The following MANBA variants were observed in gnomAD, a reference collection of about 807,000 sequenced individuals.
MANBA encodes the protein mannosidase beta.
In MANBA, 83 loss-of-function variants were observed where a neutral mutation model predicts 111.1. The ratio of observed to expected loss-of-function variants is 0.75; its 90% CI spans 0.63 to 0.90. The LOEUF is 0.90. Among genes scored for constraint, MANBA ranks in the 40% least tolerant of loss-of-function variants. MANBA has a pLI of 0.00. For missense variants in MANBA, 1,036 were observed against 1,069.0 expected, an observed-to-expected ratio of 0.97 and a Z score of 0.43; for synonymous variants, 370 against 378.7, an observed-to-expected ratio of 0.98 and a Z score of 0.27.
intron 11 of MANBA, among the ~76,000 whole-genome samples, chr4:102,664,373 G>C (rs2110216277): frequency 6.6e-6 from 1 of 150,986 alleles, no homozygotes; most frequent in South Asian, 2.1e-4. Flanking sequence ...TTTTGAGACG[G>C]AGTCTCGCCC....
intron 5 of MANBA, among the ~76,000 whole-genome samples, chr4:102,708,038 A>T (rs1423789278): frequency 1.3e-5 from 2 of 152,166 alleles, no homozygotes; most frequent in East Asian, 3.8e-4. Context: ...CTAAAGACAG[A>T]TAGATTCCAA....
At chr4:102,674,519 A>G (rs1731636535) in intron 7 of MANBA, among the ~76,000 whole-genome samples, 1 of 152,248 alleles carries the variant, frequency 6.6e-6, no homozygotes, top group South Asian at 2.1e-4. Flanking sequence ...TGCAATCTTA[A>G]TAACACATTA....
intron 4 of MANBA, among the ~76,000 whole-genome samples, chr4:102,717,485 A>G (rs986946539): frequency 1.3e-5 from 2 of 151,298 alleles, no homozygotes; most frequent in Non-Finnish European, 2.9e-5. Flanking sequence ...TAGTGACACA[A>G]TCTTGGCTCA....
intron 7 of MANBA, among the ~76,000 whole-genome samples, chr4:102,688,572 G>A (rs779835721): frequency 3.9e-5 from 6 of 152,178 alleles, no homozygotes; most frequent in Non-Finnish European, 8.8e-5. Flanking sequence ...TGTAAACACC[G>A]AAGCTGGTGT....
intron 7 of MANBA, among the ~76,000 whole-genome samples, chr4:102,683,276 C>T (rs72940780): frequency 0.044 from 6,662 of 151,972 alleles, 478 homozygotes; most frequent in African/African-American, 0.15. Flanking sequence ...AACTATGAAA[C>T]ACAAGTTTTA....
At chr4:102,752,412 C>T (rs890457097) in intron 1 of MANBA, 160 of 992,932 alleles carry the variant, frequency 1.6e-4, no homozygotes, top group East Asian at 7.4e-4. Flanking sequence ...ATACAGGTTG[C>T]GTGACATTAG....
intron 1 of MANBA, among the ~76,000 whole-genome samples, chr4:102,726,923 A>G (rs115599707): frequency 6.6e-6 from 1 of 152,224 alleles, no homozygotes; most frequent in Non-Finnish European, 1.5e-5. Flanking sequence ...CTTCATTATC[A>G]AAGAAAATTG....
At chr4:102,703,638 C>A (rs1482345988) in intron 5 of MANBA, among the ~76,000 whole-genome samples, 2 of 152,188 alleles carry the variant, frequency 1.3e-5, no homozygotes, top group South Asian at 4.1e-4. Context: ...GATGGATCAG[C>A]TGACACCACC....
At chr4:102,732,871 T>TA (rs1401889789) in intron 1 of MANBA, among the ~76,000 whole-genome samples, 1 of 152,130 alleles carries the variant, frequency 6.6e-6, no homozygotes, top group Non-Finnish European at 1.5e-5. Context: ...CCAATACAGT[T>TA]AAAAATATCA....
intron 12 of MANBA, 59 bp from the exon 13 acceptor site, chr4:102,650,760 A>T: frequency 7.1e-7 from 1 of 1,404,982 alleles, no homozygotes; most frequent in Non-Finnish European, 1.0e-6. Flanking sequence ...CTACTTTTCT[A>T]TAAGTTCCTG....
chr4:102,758,672 A>G (rs534648829), intron 1 of MANBA, among the ~76,000 whole-genome samples: 1 of 151,232 alleles, frequency 6.6e-6, no homozygotes, highest in East Asian at 2.0e-4. Context: ...CCTCCCTCGT[A>G]GCTAGGACCA....
chr4:102,685,784 C>A (rs1732183159), intron 7 of MANBA, among the ~76,000 whole-genome samples: 1 of 152,048 alleles, frequency 6.6e-6, no homozygotes, highest in South Asian at 2.1e-4. Context: ...GAGACCCCCC[C>A]ATTCAAGTTT....
At chr4:102,657,226 G>GGC (rs1560752348) in intron 12 of MANBA, among the ~76,000 whole-genome samples, 4 of 124,932 alleles carry the variant, frequency 3.2e-5, no homozygotes, top group Non-Finnish European at 5.1e-5. Flanking sequence ...GTGGGGTGGG[G>GGC]GGGGGGTGGG....
intron 11 of MANBA, chr4:102,663,005 G>A (rs1023544819): frequency 2.6e-5 from 4 of 152,496 alleles, no homozygotes; most frequent in African/African-American, 7.2e-5. Flanking sequence ...TCCACCCAGA[G>A]AAGTGCACTG....
chr4:102,686,559 A>C (rs1316158012), intron 7 of MANBA, among the ~76,000 whole-genome samples: 2 of 152,184 alleles, frequency 1.3e-5, no homozygotes, highest in Non-Finnish European at 2.9e-5. Context: ...TTTGATTTCC[A>C]TGCTGATCAA....
At chr4:102,736,467 G>A (rs1305820997) in intron 1 of MANBA, among the ~76,000 whole-genome samples, 1 of 152,128 alleles carries the variant, frequency 6.6e-6, no homozygotes, top group Non-Finnish European at 1.5e-5. Flanking sequence ...ACTTAACCAG[G>A]TATAGCTTTT....
chr4:102,752,090 C>G, intron 1 of MANBA: 1 of 760,844 alleles, frequency 1.3e-6, no homozygotes, highest in Non-Finnish European at 2.5e-6. Context: ...GAGGAATCCA[C>G]AAATCGACAG....
At chr4:102,671,164 C>A (rs1045665204) in intron 9 of MANBA, 117 bp downstream of exon 9, 11 of 765,480 alleles carry the variant, frequency 1.4e-5, no homozygotes, top group Non-Finnish European at 2.6e-5. Context: ...TCCTATAGCC[C>A]CAAATGGAAT....
chr4:102,725,408 G>T lies in MANBA; in HGVS notation c.272+1181C>A, dbSNP rs577175645. Among the ~76,000 whole-genome samples, 520 of 152,130 alleles carry T rather than the reference G, an allele frequency of 3.4e-3. 2 individuals are homozygous for T. The highest frequency in any genetic ancestry group is 0.012 in the African/African-American group (501 of 41,500). ...GTGCTGACAGCATGAATTACTTTTA[G>T]GTAATCGACTCATATGTGTAATTTG... On this transcript the variant is annotated intron_variant, in intron 2 of 16. Transcript: ENST00000647097.
Sources: gnomAD v4.1 joint callset for allele counts (sites outside exome capture counted in the v4.1 genomes callset) on GRCh38, gnomAD v4.1.1 for gene constraint, MANE v1.5 for transcripts, NCBI Gene and HGNC (gene_info 2026-07-23, HGNC 2026-07-21) for gene names.